Variants in CBFA2T2 observed in about 807,000 individuals in gnomAD.
CBFA2T2 encodes the protein CBFA2/RUNX1 partner transcriptional co-repressor 2, also known as protein CBFA2T2.
In CBFA2T2, 11 loss-of-function variants were observed where a neutral mutation model predicts 62.2. That is an observed-to-expected ratio of 0.18 (90% CI 0.11 to 0.29). CBFA2T2 has a LOEUF of 0.29. Among genes scored for constraint, CBFA2T2 ranks in the 10% least tolerant of loss-of-function variants. The probability of loss-of-function intolerance (pLI) is 1.00; values close to 1 mark genes in which losing one functional copy is unlikely to be tolerated. For synonymous variants in CBFA2T2, 295 were observed against 287.5 expected (o/e 1.03, Z -0.27); for missense variants, 592 against 774.1 (o/e 0.76, Z 2.79).
chr20:33,624,720 C>T (rs773237867), intron 5 of CBFA2T2, 44 bp from the exon 6 acceptor site: 1 of 1,600,772 alleles, frequency 6.2e-7, no homozygotes, highest in African/African-American at 1.3e-5. Context: ...TCTGCATGAA[C>T]ACTTGTTGAC....
In CBFA2T2 at chr20:33,649,765, C is replaced by T. The variant is rs762741558; in HGVS notation, c.*5119C>T. ...CTTCCTGACGAGGCTACAAAGGCTC[C>T]GCTCACAAAAGAAAGCCAATAATGT... On this transcript the variant is annotated 3_prime_UTR_variant, in exon 11 of 11. Transcript: ENST00000342704. 2 of 152,506 alleles carry T rather than the reference C, an allele frequency of 1.3e-5. No homozygotes were observed. Among genetic ancestry groups the T allele is most frequent in the South Asian group, 2.1e-4 (1 of 4,828 alleles). 9.4% of individuals were successfully genotyped at this position (152,506 alleles called of 1,614,324 possible).
At chr20:33,539,040 G>A (rs1372650258) in intron 1 of CBFA2T2, among the ~76,000 whole-genome samples, 1 of 152,032 alleles carries the variant, frequency 6.6e-6, no homozygotes, top group African/African-American at 2.4e-5. Flanking sequence ...TGGCATTTCT[G>A]TTTACCATTG....
Position 33,490,123 on chromosome 20 carries a change from G to C in CBFA2T2, c.-145G>C. 3.7e-6 allele frequency: 3 copies of C among 804,308 alleles called. No homozygotes were observed. The highest frequency in any genetic ancestry group is 4.8e-6 in the Non-Finnish European group (3 of 619,538). 49.8% of individuals were successfully genotyped at this position (804,308 alleles called of 1,614,324 possible). A position where few individuals can be genotyped will look rare whatever the true frequency, so the allele number is the denominator to read the frequency against. ...CGGCGGCGGCGACGGCGACAGCAGC[G>C]GTGGTGGTGTCTGGTTAGCTCGGCG... On this transcript the variant is annotated 5_prime_UTR_variant, in exon 1 of 11. Coordinates refer to ENST00000342704, the MANE Select transcript of CBFA2T2 (RefSeq NM_001032999.3).
At chr20:33,571,921 C>T (rs574613161) in intron 1 of CBFA2T2, among the ~76,000 whole-genome samples, 18 of 152,266 alleles carry the variant, frequency 1.2e-4, no homozygotes, top group African/African-American at 4.1e-4. Flanking sequence ...GATGGAGTCT[C>T]GCTCTGTCGC....
At chr20:33,582,420 A>G (rs1375054169) in intron 1 of CBFA2T2, among the ~76,000 whole-genome samples, 4 of 151,556 alleles carry the variant, frequency 2.6e-5, no homozygotes, top group Non-Finnish European at 5.9e-5. Flanking sequence ...CCTGGGAGGC[A>G]GAGGTTGCAG....
chr20:33,579,892 G>T (rs968606279), intron 1 of CBFA2T2, among the ~76,000 whole-genome samples: 3 of 150,014 alleles, frequency 2.0e-5, no homozygotes, highest in African/African-American at 7.4e-5. Context: ...TCGGCTCACC[G>T]CAACCTCTGC....
At chr20:33,517,680 A>C (rs1376489740) in intron 1 of CBFA2T2, among the ~76,000 whole-genome samples, 1 of 104,980 alleles carries the variant, frequency 9.5e-6, no homozygotes, top group Non-Finnish European at 1.9e-5. Context: ...CTAGGCTGCT[A>C]TATTTTGCCT....
intron 1 of CBFA2T2, among the ~76,000 whole-genome samples, chr20:33,544,261 A>T (rs1156624977): frequency 6.6e-6 from 1 of 152,124 alleles, no homozygotes; most frequent in African/African-American, 2.4e-5. Flanking sequence ...CTTCAGCCAC[A>T]CTAACTTCTT....
At chr20:33,570,680 G>A (rs2013527078) in intron 1 of CBFA2T2, among the ~76,000 whole-genome samples, 1 of 152,162 alleles carries the variant, frequency 6.6e-6, no homozygotes, top group Non-Finnish European at 1.5e-5. Flanking sequence ...AAGAATGGGG[G>A]TTTCCTTCTG....
intron 10 of CBFA2T2, among the ~76,000 whole-genome samples, chr20:33,642,105 CTTTTTTTTTT>C (rs576434212): frequency 1.8e-4 from 13 of 73,962 alleles, no homozygotes; most frequent in African/African-American, 6.3e-4. Context: ...CCTCCTTTGT[CTTTTTTTTTT>C]TTGTGTGTGT....
At chr20:33,616,635 A>G (rs1388007843) in intron 3 of CBFA2T2, among the ~76,000 whole-genome samples, 2 of 151,882 alleles carry the variant, frequency 1.3e-5, no homozygotes, top group South Asian at 4.2e-4. Flanking sequence ...GCTGAGGCAC[A>G]AGAATCACTT....
At chr20:33,502,038 C>T (rs1029562597) in intron 1 of CBFA2T2, among the ~76,000 whole-genome samples, 11 of 152,182 alleles carry the variant, frequency 7.2e-5, no homozygotes, top group Non-Finnish European at 1.6e-4. Flanking sequence ...TATTCTCCCA[C>T]CTCAAGCTCC....
chr20:33,577,876 G>A (rs2013900773), intron 1 of CBFA2T2, among the ~76,000 whole-genome samples: 2 of 152,120 alleles, frequency 1.3e-5, no homozygotes, highest in South Asian at 4.1e-4. Flanking sequence ...ACCATTCTTT[G>A]CGTGTAATAA....
chr20:33,565,198 T>C (rs1393285326), intron 1 of CBFA2T2, among the ~76,000 whole-genome samples: 1 of 152,156 alleles, frequency 6.6e-6, no homozygotes, highest in Non-Finnish European at 1.5e-5. Flanking sequence ...GGATTGTAGG[T>C]GTGAGCCACT....
chr20:33,497,205 G>A (rs1342697372), intron 1 of CBFA2T2, among the ~76,000 whole-genome samples: 4 of 149,282 alleles, frequency 2.7e-5, no homozygotes, highest in Admixed American at 6.8e-5. Context: ...CCCGGGAGGC[G>A]GAGGTTATGG....
intron 1 of CBFA2T2, among the ~76,000 whole-genome samples, chr20:33,563,492 G>A (rs942440427): frequency 2.0e-5 from 3 of 152,130 alleles, no homozygotes; most frequent in African/African-American, 7.2e-5. Context: ...GCAGGCATGA[G>A]CCACTGCACC....
intron 1 of CBFA2T2, among the ~76,000 whole-genome samples, 199 bp downstream of exon 1, chr20:33,490,500 C>T (rs2011138590): frequency 6.6e-6 from 1 of 152,120 alleles, no homozygotes; most frequent in Admixed American, 6.5e-5. Context: ...CTGCGCCGCC[C>T]GAAGAGCTCG....
At chr20:33,536,431 C>T (rs1600941901) in intron 1 of CBFA2T2, among the ~76,000 whole-genome samples, 1 of 146,420 alleles carries the variant, frequency 6.8e-6, no homozygotes, top group Non-Finnish European at 1.5e-5. Context: ...GGGGGGCTGA[C>T]CCCCCCACCT....
At chr20:33,618,433 G>A (rs2015794401) in intron 3 of CBFA2T2, 1 of 152,056 alleles carries the variant, frequency 6.6e-6, no homozygotes. Flanking sequence ...ATTTTTATTT[G>A]TTCATTCCCC....
Sources: gnomAD v4.1 joint callset for allele counts (sites outside exome capture counted in the v4.1 genomes callset) on GRCh38, gnomAD v4.1.1 for gene constraint, MANE v1.5 for transcripts, NCBI Gene and HGNC (gene_info 2026-07-23, HGNC 2026-07-21) for gene names.